Variants in PIK3C3 observed in about 807,000 individuals in gnomAD.
PIK3C3 encodes phosphatidylinositol 3-kinase catalytic subunit type 3.
In PIK3C3, 95 loss-of-function variants were observed where a neutral mutation model predicts 126.1. That is an observed-to-expected ratio of 0.75 (90% confidence interval 0.64 to 0.89). The LOEUF (loss-of-function observed/expected upper bound fraction) is 0.89. Among genes scored for constraint, PIK3C3 ranks in the 40% least tolerant of loss-of-function variants. The probability of loss-of-function intolerance (pLI) is 0.00; values close to 1 mark genes in which losing one functional copy is unlikely to be tolerated. For missense variants in PIK3C3, 829 were observed against 1,063.2 expected, an observed-to-expected ratio of 0.78 and a Z score of 3.06; for synonymous variants, 374 against 360.0, an observed-to-expected ratio of 1.04 and a Z score of -0.44.
At chr18:42,029,284 C>A in intron 14 of PIK3C3, 41 bp from the exon 15 acceptor site, 3 of 1,166,376 alleles carry the variant, frequency 2.6e-6, no homozygotes, top group Non-Finnish European at 3.9e-6. Flanking sequence ...CAGATCATTA[C>A]GCAACATAGA....
At chr18:42,001,232 CTATT>C (rs1309093298) in intron 9 of PIK3C3, among the ~76,000 whole-genome samples, 1 of 152,092 alleles carries the variant, frequency 6.6e-6, no homozygotes, top group Non-Finnish European at 1.5e-5. Flanking sequence ...TGATAATAAA[CTATT>C]TACTATAGGA....
intron 3 of PIK3C3, among the ~76,000 whole-genome samples, chr18:41,969,124 CTTGTT>C (rs1980522184): frequency 6.7e-6 from 1 of 148,928 alleles, no homozygotes; most frequent in Non-Finnish European, 1.5e-5. Flanking sequence ...CAGTCTGTAC[CTTGTT>C]TTTTTTTTAA....
intron 22 of PIK3C3, among the ~76,000 whole-genome samples, chr18:42,061,883 A>G (rs536218689): frequency 1.1e-4 from 16 of 152,132 alleles, no homozygotes; most frequent in Non-Finnish European, 1.6e-4. Flanking sequence ...TAAAAGGAAC[A>G]TCGCATTCTA....
At chr18:42,022,228 G>A (rs1252534126) in intron 13 of PIK3C3, among the ~76,000 whole-genome samples, 9 of 152,130 alleles carry the variant, frequency 5.9e-5, no homozygotes, top group African/African-American at 1.7e-4. Context: ...CCATGTTGGT[G>A]TGCTGCACCC....
intron 18 of PIK3C3, among the ~76,000 whole-genome samples, chr18:42,040,109 T>C (rs1251061015): frequency 2.0e-5 from 3 of 151,676 alleles, no homozygotes; most frequent in Admixed American, 6.6e-5. Context: ...TTCAGACTTA[T>C]CAGACTGACT....
intron 9 of PIK3C3, among the ~76,000 whole-genome samples, chr18:41,999,890 G>A (rs938365688): frequency 1.3e-5 from 2 of 152,034 alleles, no homozygotes; most frequent in Non-Finnish European, 2.9e-5. Context: ...CATGAGTAAG[G>A]TAGGCTGTTA....
intron 4 of PIK3C3, among the ~76,000 whole-genome samples, chr18:41,975,387 A>G (rs1003679703): frequency 3.3e-5 from 5 of 152,206 alleles, no homozygotes; most frequent in Non-Finnish European, 7.3e-5. Context: ...CTTTAACTAC[A>G]TTTCAAATGC....
At chr18:42,014,709 TC>T (rs1175143508) in intron 11 of PIK3C3, among the ~76,000 whole-genome samples, 2 of 152,224 alleles carry the variant, frequency 1.3e-5, no homozygotes, top group Non-Finnish European at 2.9e-5. Flanking sequence ...ATTTTAGACT[TC>T]CTGAATCAGT....
chr18:42,072,940 T>A (rs1288749702), intron 24 of PIK3C3, among the ~76,000 whole-genome samples: 1 of 152,158 alleles, frequency 6.6e-6, no homozygotes, highest in African/African-American at 2.4e-5. Flanking sequence ...TCACTGGTGA[T>A]CTCTTACACT....
At chr18:41,993,391 T>C in intron 7 of PIK3C3, 50 bp downstream of exon 7, 1 of 1,177,822 alleles carries the variant, frequency 8.5e-7, no homozygotes, top group Non-Finnish European at 1.3e-6. Flanking sequence ...TCAGAGTAAT[T>C]GTGAGTTAGC....
Position 42,081,913 on chromosome 18 carries a change from T to A in PIK3C3, c.*776T>A, listed in dbSNP as rs1211641862. 1 of 152,224 alleles carries A rather than the reference T, an allele frequency of 6.6e-6. No homozygotes were observed. The highest frequency in any genetic ancestry group is 1.5e-5 in the Non-Finnish European group (1 of 68,024). 9.4% of individuals were successfully genotyped at this position (152,224 alleles called of 1,614,324 possible). A position where few individuals can be genotyped will look rare whatever the true frequency, so the allele number is the denominator to read the frequency against. Reference sequence around the variant, plus strand: ...TTCATGTAAGACAATGTAAATTGTCTTTCTGCAATAAATTTTTTGGATGCA... The same window carrying A: ...TTCATGTAAGACAATGTAAATTGTCATTCTGCAATAAATTTTTTGGATGCA... On this transcript the variant is annotated 3_prime_UTR_variant, in exon 25 of 25. Transcript: ENST00000262039.
At position 41,970,318 on chromosome 18, in the gene PIK3C3, T is replaced by C. The variant is rs112733212; in HGVS notation, c.402-9T>C. 1.9e-6 allele frequency: 3 copies of C among 1,612,348 alleles called. No homozygotes were observed. The South Asian group carries it at 3.3e-5, about 18-fold the overall frequency. On this transcript the variant is annotated splice_polypyrimidine_tract_variant and intron_variant, in intron 3 of 24. Transcript: ENST00000262039. Reference sequence around the variant, plus strand: ...TTACTTCTACCCTGAACATTCTCTTTTTCCCTAGCATGTTTCGCCAAGGGA... The same window carrying C: ...TTACTTCTACCCTGAACATTCTCTTCTTCCCTAGCATGTTTCGCCAAGGGA...
In PIK3C3 at chr18:42,040,663, A is replaced by G; in HGVS notation, c.2039-14A>G. On this transcript the variant is annotated splice_polypyrimidine_tract_variant and intron_variant, in intron 18 of 24. Coordinates refer to ENST00000262039, the MANE Select transcript of PIK3C3 (RefSeq NM_002647.4). ...AGTAGCTATGCTTAATGCAGTGCAT[A>G]CATTTCTGTGTAGGCTTCATGCAGT... 1.9e-6 allele frequency: 3 copies of G among 1,591,416 alleles called. No individual in the cohort carries two copies. Among genetic ancestry groups the G allele is most frequent in the South Asian group, 1.1e-5 (1 of 89,654 alleles).
At chr18:42,023,846 C>T (rs581950) in intron 13 of PIK3C3, among the ~76,000 whole-genome samples, 48,508 of 151,984 alleles carry the variant, frequency 0.32, 8,427 homozygotes, top group African/African-American at 0.45. Context: ...CCTTTGAACA[C>T]TTGAATTTCC....
chr18:42,063,381 T>C (rs999250451), intron 22 of PIK3C3, among the ~76,000 whole-genome samples: 1 of 152,232 alleles, frequency 6.6e-6, no homozygotes, highest in Non-Finnish European at 1.5e-5. Context: ...TGTTTGTTGG[T>C]TGAATGAATA....
intron 4 of PIK3C3, chr18:41,970,999 A>G (rs1338402289): frequency 3.2e-5 from 5 of 154,702 alleles, no homozygotes; most frequent in African/African-American, 1.2e-4. Flanking sequence ...GATGACTCAG[A>G]CAATTAACTA....
chr18:42,081,102 A>C (rs763348173), intron 24 of PIK3C3, 21 bp from the exon 25 acceptor site: 2 of 1,393,492 alleles, frequency 1.4e-6, no homozygotes, highest in Admixed American at 1.7e-5. Flanking sequence ...TTTTCTGTTT[A>C]TTTCTTTTTA....
intron 20 of PIK3C3, among the ~76,000 whole-genome samples, chr18:42,047,231 C>G (rs894289680): frequency 1.3e-5 from 2 of 152,120 alleles, no homozygotes; most frequent in African/African-American, 4.8e-5. Context: ...TTGAACAACT[C>G]AGCTGCACTG....
intron 5 of PIK3C3, among the ~76,000 whole-genome samples, chr18:41,988,784 A>G (rs970363596): frequency 3.3e-5 from 5 of 152,254 alleles, no homozygotes; most frequent in East Asian, 1.9e-4. Context: ...AAATTTATTC[A>G]TAATACATTC....
Sources: allele counts gnomAD v4.1 joint callset (sites outside exome capture counted in the v4.1 genomes callset), GRCh38; gene constraint gnomAD v4.1.1; transcripts MANE v1.5; gene names NCBI Gene and HGNC (gene_info 2026-07-23, HGNC 2026-07-21).